PBX3: variants seen among roughly 807,000 people sequenced by gnomAD.
PBX3 encodes PBX homeobox 3.
PBX3 carries 14 observed loss-of-function variants against 48.5 expected under a neutral mutation model. That is an observed-to-expected ratio of 0.29 (90% CI 0.19 to 0.45). The LOEUF (loss-of-function observed/expected upper bound fraction) is 0.45. PBX3 is among the 20% of genes least tolerant of loss of function. PBX3 has a pLI of 1.00. For synonymous variants in PBX3, 210 were observed against 200.3 expected, an observed-to-expected ratio of 1.05 and a Z score of -0.41; for missense variants, 386 against 546.7, an observed-to-expected ratio of 0.71 and a Z score of 2.93.
At chr9:125,857,653 T>G (rs1839757492) in intron 2 of PBX3, among the ~76,000 whole-genome samples, 2 of 152,220 alleles carry the variant, frequency 1.3e-5, no homozygotes, top group African/African-American at 4.8e-5. Flanking sequence ...ATTTACAGTA[T>G]TTTTGGTGGA....
chr9:125,854,954 G>T (rs1196583162), intron 2 of PBX3, among the ~76,000 whole-genome samples: 1 of 152,110 alleles, frequency 6.6e-6, no homozygotes, highest in Non-Finnish European at 1.5e-5. Context: ...AAAAGAGCTT[G>T]GGAAAAAGTG....
At chr9:125,811,993 C>T (rs55744738) in intron 2 of PBX3, among the ~76,000 whole-genome samples, 5,936 of 152,126 alleles carry the variant, frequency 0.039, 407 homozygotes, top group African/African-American at 0.13. Flanking sequence ...ATATTAATAC[C>T]CTTGTAAAAT....
At chr9:125,854,614 TC>T (rs1839672443) in intron 2 of PBX3, among the ~76,000 whole-genome samples, 1 of 152,208 alleles carries the variant, frequency 6.6e-6, no homozygotes, top group Non-Finnish European at 1.5e-5. Context: ...TGAATGTGTT[TC>T]ATTCATCTTA....
intron 2 of PBX3, among the ~76,000 whole-genome samples, chr9:125,831,628 G>T (rs112676578): frequency 0.025 from 3,867 of 152,186 alleles, 66 homozygotes; most frequent in Middle Eastern, 0.051. Context: ...ATGAGGTAGT[G>T]CCTTAGTATC....
chr9:125,837,336 A>T (rs1839166318), intron 2 of PBX3, among the ~76,000 whole-genome samples: 1 of 150,914 alleles, frequency 6.6e-6, no homozygotes, highest in African/African-American at 2.4e-5. Flanking sequence ...AGAAATGTAT[A>T]CTTATTTTGT....
chr9:125,881,999 G>A (rs1840392663), intron 2 of PBX3, among the ~76,000 whole-genome samples: 2 of 151,686 alleles, frequency 1.3e-5, no homozygotes, highest in Admixed American at 6.6e-5. Context: ...CCAGGAGTTC[G>A]AGACCAGGCT....
Position 125,747,432 on chromosome 9 carries a change from GCTCCCGCCCGCGCGC to G in PBX3, c.-21_-7del. 7.9e-7 allele frequency: 1 copy of G among 1,267,046 alleles called. No individual in the cohort carries two copies. Among genetic ancestry groups the G allele is most frequent in the Non-Finnish European group, 1.0e-6 (1 of 984,196 alleles). 78.5% of individuals were successfully genotyped at this position (1,267,046 alleles called of 1,614,324 possible). On this transcript the variant is annotated 5_prime_UTR_variant, in exon 1 of 9. Coordinates refer to ENST00000373489, the MANE Select transcript of PBX3 (RefSeq NM_006195.6). ...TCAGCCTTCGCCTCAGCCGCCGCCCGCTCCCGCCCGCGCGCGGCGGGATGGACGATCAATCCAGGA... is the reference window on the plus strand; with the variant it reads ...TCAGCCTTCGCCTCAGCCGCCGCCCGGGCGGGATGGACGATCAATCCAGGA...
intron 2 of PBX3, among the ~76,000 whole-genome samples, chr9:125,825,456 T>TA (rs1306448309): frequency 4.0e-5 from 6 of 151,792 alleles, no homozygotes; most frequent in African/African-American, 7.2e-5. Context: ...ATTTCCAAAA[T>TA]AAAAAATTAG....
At chr9:125,827,201 G>T (rs2132177718) in intron 2 of PBX3, among the ~76,000 whole-genome samples, 1 of 152,208 alleles carries the variant, frequency 6.6e-6, no homozygotes, top group South Asian at 2.1e-4. Flanking sequence ...ATTATTAGTG[G>T]TAATTCTGAA....
intron 2 of PBX3, among the ~76,000 whole-genome samples, chr9:125,835,383 G>C (rs761246464): frequency 6.6e-6 from 1 of 152,128 alleles, no homozygotes; most frequent in Middle Eastern, 3.2e-3. Context: ...ACTCTTAACC[G>C]TTATATTCTA....
chr9:125,817,349 A>G (rs1187673843), intron 2 of PBX3, among the ~76,000 whole-genome samples: 1 of 152,196 alleles, frequency 6.6e-6, no homozygotes, highest in Admixed American at 6.5e-5. Context: ...CCACATTCCA[A>G]CACTATTCAA....
At chr9:125,902,953 A>G (rs1406288119) in intron 2 of PBX3, among the ~76,000 whole-genome samples, 1 of 151,808 alleles carries the variant, frequency 6.6e-6, no homozygotes, top group Non-Finnish European at 1.5e-5. Context: ...TTTCTGGTAG[A>G]ATGAATAAGT....
intron 2 of PBX3, among the ~76,000 whole-genome samples, chr9:125,860,001 A>G (rs1382090039): frequency 6.6e-6 from 1 of 152,228 alleles, no homozygotes; most frequent in Non-Finnish European, 1.5e-5. Context: ...TAAATCTCCT[A>G]TGGGACCCCA....
intron 2 of PBX3, among the ~76,000 whole-genome samples, chr9:125,768,123 T>A (rs1265677745): frequency 7.0e-6 from 1 of 143,096 alleles, no homozygotes; most frequent in Non-Finnish European, 1.5e-5. Flanking sequence ...ATAAGGTCCT[T>A]GGGGGTGGTG....
intron 2 of PBX3, among the ~76,000 whole-genome samples, chr9:125,857,661 G>A (rs1037289368): frequency 8.5e-5 from 13 of 152,078 alleles, no homozygotes; most frequent in African/African-American, 3.1e-4. Flanking sequence ...TATTTTTGGT[G>A]GAACAGAATT....
At position 125,966,400 on chromosome 9, in the gene PBX3, C is replaced by G. The variant is rs1455787413; in HGVS notation, c.*477C>G. On this transcript the variant is annotated 3_prime_UTR_variant, in exon 9 of 9. Coordinates refer to ENST00000373489, the MANE Select transcript of PBX3 (RefSeq NM_006195.6). ...GGAGTTGGAATAAAGAGCTGTTTGCCTATCCCTGTTAATGATGGTTGTGTT... is the reference window on the plus strand; with the variant it reads ...GGAGTTGGAATAAAGAGCTGTTTGCGTATCCCTGTTAATGATGGTTGTGTT... 1 of 153,190 alleles carries G rather than the reference C, an allele frequency of 6.5e-6. No homozygotes were observed. The highest frequency in any genetic ancestry group is 1.5e-5 in the Non-Finnish European group (1 of 68,404). The allele number at this position is 153,190 out of a possible 1,614,324, so 9.5% of individuals were successfully genotyped here.
At chr9:125,860,121 G>A (rs1839825891) in intron 2 of PBX3, among the ~76,000 whole-genome samples, 1 of 152,228 alleles carries the variant, frequency 6.6e-6, no homozygotes, top group Admixed American at 6.5e-5. Flanking sequence ...GGATCTGTAT[G>A]TGGCTCCGCT....
intron 2 of PBX3, among the ~76,000 whole-genome samples, chr9:125,862,644 C>T (rs1839888712): frequency 6.6e-6 from 1 of 152,130 alleles, no homozygotes; most frequent in African/African-American, 2.4e-5. Flanking sequence ...CTTGGACTCC[C>T]AAAGTGCTGG....
At chr9:125,814,496 A>G (rs2132137050) in intron 2 of PBX3, among the ~76,000 whole-genome samples, 1 of 152,348 alleles carries the variant, frequency 6.6e-6, no homozygotes, top group African/African-American at 2.4e-5. Context: ...TTAGTTCTAT[A>G]GAGTCATTCT....
Sources: allele counts gnomAD v4.1 joint callset (sites outside exome capture counted in the v4.1 genomes callset), GRCh38; gene constraint gnomAD v4.1.1; transcripts MANE v1.5; gene names NCBI Gene and HGNC (gene_info 2026-07-23, HGNC 2026-07-21).